Variants in CHD9NB observed in about 807,000 individuals in gnomAD.
CHD9NB encodes the protein CHD9 neighbor protein.
the CHD9NB span, among the ~76,000 whole-genome samples, chr16:53,048,992 ATGGATCGGAC>A: frequency 3.9e-5 from 6 of 152,306 alleles, no homozygotes; most frequent in African/African-American, 1.4e-4. Context: ...CACCACCCAC[ATGGATCGGAC>A]TCTTGGTTTT....
At chr16:53,040,639 T>C in the CHD9NB span, among the ~76,000 whole-genome samples, 1 of 152,222 alleles carries the variant, frequency 6.6e-6, no homozygotes, top group African/African-American at 2.4e-5. Context: ...ATGAACATTT[T>C]ATGAACACTA....
the CHD9NB span, among the ~76,000 whole-genome samples, chr16:53,036,515 G>A: frequency 9.2e-5 from 14 of 152,266 alleles, no homozygotes; most frequent in Non-Finnish European, 2.1e-4. Context: ...ATATGTGTGT[G>A]GGGAGAGAAT....
the CHD9NB span, among the ~76,000 whole-genome samples, chr16:53,039,027 T>C: frequency 2.0e-5 from 3 of 152,284 alleles, no homozygotes; most frequent in South Asian, 2.1e-4. Context: ...GTATGCTTTT[T>C]TTTTCCTAGG....
the CHD9NB span, among the ~76,000 whole-genome samples, chr16:53,051,796 T>C: frequency 0.34 from 41,470 of 122,234 alleles, 8,231 homozygotes; most frequent in Non-Finnish European, 0.45. Context: ...TATATATATA[T>C]ATATATATAT....
the CHD9NB span, among the ~76,000 whole-genome samples, chr16:53,040,086 T>C: frequency 7.9e-5 from 12 of 151,924 alleles, no homozygotes; most frequent in Non-Finnish European, 1.6e-4. Context: ...TTTTTTTTGG[T>C]ACGGAGTCTC....
the CHD9NB span, among the ~76,000 whole-genome samples, chr16:53,044,774 G>A: frequency 3.3e-5 from 5 of 152,182 alleles, no homozygotes; most frequent in African/African-American, 1.2e-4. Flanking sequence ...ACAACCCTAA[G>A]AAGTAGGTGT....
At chr16:53,040,238 T>A in the CHD9NB span, among the ~76,000 whole-genome samples, 1 of 149,852 alleles carries the variant, frequency 6.7e-6, no homozygotes, top group East Asian at 2.0e-4. Context: ...CCCAGGTAAT[T>A]TTTTTTTTTG....
At chr16:53,051,642 A>C in the CHD9NB span, among the ~76,000 whole-genome samples, 1 of 147,574 alleles carries the variant, frequency 6.8e-6, no homozygotes, top group Admixed American at 6.8e-5. Flanking sequence ...GGGGGGAGGG[A>C]TAGCATTAGG....
chr16:53,044,338 G>A, the CHD9NB span: 4 of 394,380 alleles, frequency 1.0e-5, no homozygotes, highest in Non-Finnish European at 1.8e-5. Flanking sequence ...CCCCTGTGGG[G>A]TGGGCAGGGC....
the CHD9NB span, among the ~76,000 whole-genome samples, chr16:53,038,327 T>C: frequency 2.0e-5 from 3 of 152,170 alleles, no homozygotes; most frequent in African/African-American, 4.8e-5. Flanking sequence ...TTAGCCAAGT[T>C]AAACTGACAC....
chr16:53,046,425 CT>C, the CHD9NB span, among the ~76,000 whole-genome samples: 1 of 151,928 alleles, frequency 6.6e-6, no homozygotes, highest in Non-Finnish European at 1.5e-5. Flanking sequence ...TGCCTGTAAC[CT>C]AGCACTTTAG....
the CHD9NB span, among the ~76,000 whole-genome samples, chr16:53,044,993 G>A: frequency 6.6e-6 from 1 of 151,980 alleles, no homozygotes; most frequent in East Asian, 1.9e-4. Flanking sequence ...CTGGAGTGCA[G>A]TGGTGCAATT....
At chr16:53,052,267 C>G in the CHD9NB span, among the ~76,000 whole-genome samples, 1 of 151,022 alleles carries the variant, frequency 6.6e-6, no homozygotes, top group South Asian at 2.1e-4. Flanking sequence ...ATTAGCCAGG[C>G]ATGGTGGCAC....
At chr16:53,038,224 GAC>G in the CHD9NB span, among the ~76,000 whole-genome samples, 1 of 152,348 alleles carries the variant, frequency 6.6e-6, no homozygotes, top group African/African-American at 2.4e-5. Context: ...GGGTCTTCTT[GAC>G]ACAGTCTACT....
At chr16:53,048,760 C>G in the CHD9NB span, among the ~76,000 whole-genome samples, 11 of 152,208 alleles carry the variant, frequency 7.2e-5, no homozygotes, top group African/African-American at 2.7e-4. Flanking sequence ...ACAGCTATGA[C>G]TATAGGTCAG....
At chr16:53,038,072 G>C in the CHD9NB span, among the ~76,000 whole-genome samples, 3 of 152,330 alleles carry the variant, frequency 2.0e-5, no homozygotes, top group East Asian at 5.8e-4. Context: ...ACTGGTCTAA[G>C]TCCTGGAGTC....
chr16:53,036,297 T>A, the CHD9NB span, among the ~76,000 whole-genome samples: 1 of 152,350 alleles, frequency 6.6e-6, no homozygotes, highest in South Asian at 2.1e-4. Flanking sequence ...ATAGCATTTA[T>A]AAAGCATCTT....
chr16:53,046,431 C>T, the CHD9NB span, among the ~76,000 whole-genome samples: 1 of 151,756 alleles, frequency 6.6e-6, no homozygotes, highest in Non-Finnish European at 1.5e-5. Flanking sequence ...TAACCTAGCA[C>T]TTTAGGAGGC....
the CHD9NB span, among the ~76,000 whole-genome samples, chr16:53,051,372 A>G: frequency 2.6e-5 from 4 of 152,112 alleles, no homozygotes; most frequent in Non-Finnish European, 4.4e-5. Flanking sequence ...AAATGAGTAA[A>G]TGTCCAACAA....
Sources: allele counts gnomAD v4.1 joint callset (sites outside exome capture counted in the v4.1 genomes callset), GRCh38; gene constraint gnomAD v4.1.1; transcripts MANE v1.5; gene names NCBI Gene and HGNC (gene_info 2026-07-23, HGNC 2026-07-21).